The following LRMDA variants were observed in gnomAD, a reference collection of about 807,000 sequenced individuals.
The protein encoded by LRMDA is leucine-rich melanocyte differentiation-associated protein.
A neutral mutation model predicts 29.8 loss-of-function variants in LRMDA; 18 were observed. The observed-to-expected ratio is 0.60, with a 90% CI of 0.42 to 0.90. The LOEUF (loss-of-function observed/expected upper bound fraction) is 0.90. LRMDA is among the 40% of genes least tolerant of loss of function. The pLI is 0.00. For synonymous variants in LRMDA, 125 were observed against 109.4 expected, an observed-to-expected ratio of 1.14 and a Z score of -0.89; for missense variants, 273 against 273.9, an observed-to-expected ratio of 1.00 and a Z score of 0.02.
intron 2 of LRMDA, among the ~76,000 whole-genome samples, chr10:75,791,434 CCATTTAT>C (rs1232309492): frequency 6.6e-6 from 1 of 152,080 alleles, no homozygotes; most frequent in Admixed American, 6.5e-5. Flanking sequence ...TTTAATAAAG[CCATTTAT>C]CATCAATAAA....
chr10:76,395,931 AT>A (rs1202500765), intron 6 of LRMDA, among the ~76,000 whole-genome samples: 1 of 152,220 alleles, frequency 6.6e-6, no homozygotes, highest in Non-Finnish European at 1.5e-5. Flanking sequence ...TGCTGATGAC[AT>A]TTTGTTTTGC....
intron 6 of LRMDA, among the ~76,000 whole-genome samples, chr10:76,454,236 C>T (rs1369546299): frequency 6.6e-6 from 1 of 152,118 alleles, no homozygotes; most frequent in African/African-American, 2.4e-5. Flanking sequence ...GAAAGATAGA[C>T]AAAACGTTGA....
chr10:76,540,398 CAAAG>C (rs1169458752), intron 6 of LRMDA, among the ~76,000 whole-genome samples: 4 of 152,178 alleles, frequency 2.6e-5, no homozygotes, highest in South Asian at 4.1e-4. Flanking sequence ...TATTTGAAAA[CAAAG>C]AAGCCTTTCA....
chr10:75,676,562 C>T (rs961439108), intron 2 of LRMDA, among the ~76,000 whole-genome samples: 1 of 152,124 alleles, frequency 6.6e-6, no homozygotes, highest in Non-Finnish European at 1.5e-5. Flanking sequence ...TCAAAGGCAA[C>T]GTTTCTTTTG....
At chr10:76,519,346 T>A (rs1843096213) in intron 6 of LRMDA, among the ~76,000 whole-genome samples, 1 of 152,204 alleles carries the variant, frequency 6.6e-6, no homozygotes, top group African/African-American at 2.4e-5. Flanking sequence ...TGAATGGAAC[T>A]TTTTAGCTAA....
At chr10:75,486,848 G>T (rs1844921331) in intron 2 of LRMDA, among the ~76,000 whole-genome samples, 1 of 152,194 alleles carries the variant, frequency 6.6e-6, no homozygotes, top group Non-Finnish European at 1.5e-5. Flanking sequence ...AGACTACTTT[G>T]CAGCAGTGGA....
At chr10:75,937,216 A>G (rs1293472334) in intron 2 of LRMDA, among the ~76,000 whole-genome samples, 2 of 152,240 alleles carry the variant, frequency 1.3e-5, no homozygotes, top group African/African-American at 4.8e-5. Context: ...AGAGATAAAT[A>G]TTTTTAAAAT....
chr10:76,402,219 C>T (rs1187835840), intron 6 of LRMDA: 2 of 152,184 alleles, frequency 1.3e-5, no homozygotes, highest in African/African-American at 2.4e-5. Context: ...AGGTCAAAAT[C>T]CTTGGGGCTG....
chr10:76,308,677 A>G (rs971392834), intron 5 of LRMDA, among the ~76,000 whole-genome samples: 6 of 152,220 alleles, frequency 3.9e-5, no homozygotes, highest in African/African-American at 1.4e-4. Context: ...GGGATGGAGA[A>G]GCCATAGCAA....
intron 2 of LRMDA, among the ~76,000 whole-genome samples, chr10:75,595,969 CTAA>C (rs1027766342): frequency 6.6e-6 from 1 of 151,976 alleles, no homozygotes; most frequent in African/African-American, 2.4e-5. Flanking sequence ...TTGGAGAGTA[CTAA>C]TAATGTGATG....
At chr10:75,707,520 T>C (rs967418347) in intron 2 of LRMDA, among the ~76,000 whole-genome samples, 6 of 152,312 alleles carry the variant, frequency 3.9e-5, no homozygotes, top group African/African-American at 1.4e-4. Context: ...AAAATGCAGA[T>C]GAAAGCCGGT....
At chr10:75,526,839 G>A (rs1245304511) in intron 2 of LRMDA, among the ~76,000 whole-genome samples, 3 of 147,562 alleles carry the variant, frequency 2.0e-5, no homozygotes, top group Admixed American at 2.0e-4. Context: ...AGCCTGGATG[G>A]CAGAGCAAGG....
chr10:76,301,307 A>C (rs1336872263), intron 5 of LRMDA, among the ~76,000 whole-genome samples: 1 of 152,204 alleles, frequency 6.6e-6, no homozygotes, highest in Non-Finnish European at 1.5e-5. Context: ...ACAGCTTATA[A>C]ATTTTTACAT....
At position 75,675,800 on chromosome 10, in the gene LRMDA, G is replaced by A. The variant is rs137862594; in HGVS notation, c.131+237306G>A. 4.6e-3 allele frequency among the ~76,000 whole-genome samples: 694 copies of A among 152,118 alleles called. 6 individuals are homozygous for A. The highest frequency in any genetic ancestry group is 4.1e-3 in the Non-Finnish European group (280 of 67,996). ...ATCTGTTTCTCTTTGTAGGACAGGC[G>A]TATCTGCTTCATTTTGTATAAGCCT... On this transcript the variant is annotated intron_variant, in intron 2 of 6. Coordinates refer to ENST00000611255, the MANE Select transcript of LRMDA (RefSeq NM_001305581.2).
At chr10:76,442,700 A>G (rs1472381555) in intron 6 of LRMDA, among the ~76,000 whole-genome samples, 1 of 152,148 alleles carries the variant, frequency 6.6e-6, no homozygotes, top group African/African-American at 2.4e-5. Context: ...AAAAACCCCC[A>G]TAAAAACCAA....
intron 5 of LRMDA, among the ~76,000 whole-genome samples, chr10:76,084,717 A>G (rs1301594525): frequency 6.6e-6 from 1 of 152,146 alleles, no homozygotes; most frequent in African/African-American, 2.4e-5. Flanking sequence ...GGTTAGTAAA[A>G]ATTAGCCACT....
chr10:75,513,683 A>G (rs1388534356), intron 2 of LRMDA, among the ~76,000 whole-genome samples: 6 of 152,012 alleles, frequency 3.9e-5, no homozygotes, highest in Admixed American at 3.3e-4. Flanking sequence ...GGCTGCTAGC[A>G]TTTTTTGGCT....
chr10:76,091,281 G>A (rs1295205781), intron 5 of LRMDA, among the ~76,000 whole-genome samples: 11 of 35,686 alleles, frequency 3.1e-4, no homozygotes, highest in African/African-American at 1.0e-3. Flanking sequence ...GTGGACGTGT[G>A]TGTGTGTGTG....
At chr10:76,127,611 A>T (rs1849907414) in intron 5 of LRMDA, among the ~76,000 whole-genome samples, 1 of 151,902 alleles carries the variant, frequency 6.6e-6, no homozygotes, top group East Asian at 1.9e-4. Context: ...AATGTTTGGC[A>T]AGACTCAGTG....
Sources: allele counts gnomAD v4.1 joint callset (sites outside exome capture counted in the v4.1 genomes callset), GRCh38; gene constraint gnomAD v4.1.1; transcripts MANE v1.5; gene names NCBI Gene and HGNC (gene_info 2026-07-23, HGNC 2026-07-21).